RBPJ: variants seen among roughly 807,000 people sequenced by gnomAD.
RBPJ encodes recombining binding protein suppressor of hairless.
Under a neutral mutation model 67.8 loss-of-function variants are expected in RBPJ, and 9 were observed. The observed-to-expected ratio is 0.13, with a 90% CI of 0.08 to 0.23. The LOEUF (loss-of-function observed/expected upper bound fraction) is 0.23, where lower values mean the gene tolerates loss of function less well. Among genes scored for constraint, RBPJ ranks in the 10% least tolerant of loss-of-function variants. The pLI, the probability that RBPJ is intolerant of heterozygous loss-of-function variation, is 1.00. For missense variants in RBPJ, 305 were observed against 595.6 expected (o/e 0.51, Z 5.08); for synonymous variants, 198 against 203.3 (o/e 0.97, Z 0.22).
intron 1 of RBPJ, among the ~76,000 whole-genome samples, chr4:26,353,930 T>C (rs1282325153): frequency 6.7e-6 from 1 of 150,022 alleles, no homozygotes; most frequent in Admixed American, 6.6e-5. Flanking sequence ...CTTTTGTTTT[T>C]TTGTTTGTTT....
At chr4:26,351,372 AG>A (rs1726783808) in intron 1 of RBPJ, among the ~76,000 whole-genome samples, 1 of 151,694 alleles carries the variant, frequency 6.6e-6, no homozygotes, top group Non-Finnish European at 1.5e-5. Context: ...GCATCACTTG[AG>A]AGAATTTTTC....
At chr4:26,137,325 A>G in the RBPJ span, among the ~76,000 whole-genome samples, 2 of 151,994 alleles carry the variant, frequency 1.3e-5, no homozygotes, top group African/African-American at 4.8e-5. Context: ...CCACCCTCTC[A>G]TTGTAGAGTC....
At chr4:26,319,938 C>T (rs375886888), upstream of RBPJ, 2 of 1,532,456 alleles carry the variant, frequency 1.3e-6, no homozygotes, top group Non-Finnish European at 8.9e-7. Flanking sequence ...GTTCCATGCC[C>T]GGTGGGGCCA....
At chr4:26,147,549 G>A in the RBPJ span, among the ~76,000 whole-genome samples, 4 of 152,204 alleles carry the variant, frequency 2.6e-5, no homozygotes, top group Non-Finnish European at 5.9e-5. Context: ...CTGGGAATTT[G>A]AGTTTTCTAG....
At chr4:26,373,556 T>C (rs984601186) in intron 1 of RBPJ, among the ~76,000 whole-genome samples, 6 of 152,256 alleles carry the variant, frequency 3.9e-5, no homozygotes, top group Non-Finnish European at 7.3e-5. Flanking sequence ...GAGGCTGGAC[T>C]GGTACTGTGT....
upstream of RBPJ, among the ~76,000 whole-genome samples, chr4:26,320,281 A>C (rs1386177286): frequency 6.6e-6 from 1 of 152,176 alleles, no homozygotes; most frequent in African/African-American, 2.4e-5. Flanking sequence ...TCTTTGCTAG[A>C]GGCCTTGGCT....
At chr4:26,281,985 T>A (rs1457604389) in intron 1 of RBPJ, among the ~76,000 whole-genome samples, 2 of 152,238 alleles carry the variant, frequency 1.3e-5, no homozygotes, top group Non-Finnish European at 2.9e-5. Context: ...TTCCAAATTA[T>A]CTAGACCAGG....
chr4:26,162,874 G>A (rs543714262), upstream of RBPJ, among the ~76,000 whole-genome samples: 200 of 152,266 alleles, frequency 1.3e-3, no homozygotes, highest in Middle Eastern at 6.8e-3. Context: ...GAGGAAGAGC[G>A]GCAGGGAGAC....
intron 1 of RBPJ, among the ~76,000 whole-genome samples, chr4:26,289,384 C>CAAAAAAAAAAAAAAAAAAAA (rs60159669): frequency 2.2e-4 from 17 of 78,310 alleles, no homozygotes; most frequent in African/African-American, 6.3e-4. Flanking sequence ...GACTTGGTCT[C>CAAAAAAAAAAAAAAAAAAAA]AAAAAAAAAA....
chr4:26,284,674 G>A (rs961118751), intron 1 of RBPJ, among the ~76,000 whole-genome samples: 1 of 151,858 alleles, frequency 6.6e-6, no homozygotes. Context: ...TCGCCATGTC[G>A]GCCAGGCTGG....
the RBPJ span, among the ~76,000 whole-genome samples, chr4:26,119,105 T>TA: frequency 6.6e-6 from 1 of 152,194 alleles, no homozygotes; most frequent in Non-Finnish European, 1.5e-5. Flanking sequence ...CTTACCTACC[T>TA]TATAATATCA....
At chr4:26,114,412 G>A in the RBPJ span, among the ~76,000 whole-genome samples, 5 of 147,814 alleles carry the variant, frequency 3.4e-5, no homozygotes, top group South Asian at 2.1e-4. Context: ...AGCCAAGATC[G>A]CACCACTGTA....
At position 26,410,043 on chromosome 4, in the gene RBPJ, T is replaced by G. The variant is rs374302468; in HGVS notation, c.155+3773T>G. On this transcript the variant is annotated intron_variant, in intron 3 of 10. Coordinates refer to ENST00000355476, the MANE Select transcript of RBPJ (RefSeq NM_015874.6). ...TTACTTGATTTTTTTAAAAAACAGG[T>G]GTTAGTAGTAAAGGACTGCTAATGC... 1.1e-5 allele frequency: 5 copies of G among 455,054 alleles called. 1 individual carries two copies. Among genetic ancestry groups the G allele is most frequent in the East Asian group, 1.4e-4 (2 of 14,344 alleles). 28.2% of individuals were successfully genotyped at this position (455,054 alleles called of 1,614,324 possible).
intron 1 of RBPJ, among the ~76,000 whole-genome samples, chr4:26,255,835 A>T (rs922090183): frequency 6.6e-6 from 1 of 151,918 alleles, no homozygotes; most frequent in African/African-American, 2.4e-5. Flanking sequence ...AAAAAAGAAA[A>T]TCACCTAAGT....
At chr4:26,369,355 G>A (rs975170579) in intron 1 of RBPJ, among the ~76,000 whole-genome samples, 2 of 152,148 alleles carry the variant, frequency 1.3e-5, no homozygotes, top group Non-Finnish European at 2.9e-5. Context: ...TCAATATTGC[G>A]CTTACAAGAT....
chr4:26,194,604 T>G (rs868442511), intron 1 of RBPJ, among the ~76,000 whole-genome samples: 1 of 152,186 alleles, frequency 6.6e-6, no homozygotes, highest in African/African-American at 2.4e-5. Context: ...CAGAACAGAT[T>G]TCTGGGCCTG....
chr4:26,113,323 C>T, the RBPJ span: 15 of 505,532 alleles, frequency 3.0e-5, no homozygotes, highest in Admixed American at 1.1e-4. Flanking sequence ...AATAAACCTA[C>T]GAATGTGGTG....
In RBPJ at chr4:26,387,489, A is replaced by G. The variant is rs1367489457; in HGVS notation, c.59+1098A>G. 2.6e-5 allele frequency among the ~76,000 whole-genome samples: 4 copies of G among 152,322 alleles called. No homozygotes were observed. The South Asian group carries it at 8.3e-4, about 32-fold the overall frequency. ...CTTACAGATGCATGTCGCCTAATAA[A>G]TGTAGAAGGACAAAAACCTGGACAA... On this transcript the variant is annotated intron_variant, in intron 2 of 10. Coordinates refer to ENST00000355476, the MANE Select transcript of RBPJ (RefSeq NM_015874.6).
intron 2 of RBPJ, among the ~76,000 whole-genome samples, chr4:26,395,569 G>A (rs1732037256): frequency 6.6e-6 from 1 of 152,074 alleles, no homozygotes; most frequent in Non-Finnish European, 1.5e-5. Context: ...ATTTAAGGTG[G>A]GGTCTAATGG....
Sources: gnomAD v4.1 joint callset for allele counts (sites outside exome capture counted in the v4.1 genomes callset) on GRCh38, gnomAD v4.1.1 for gene constraint, MANE v1.5 for transcripts, NCBI Gene and HGNC (gene_info 2026-07-23, HGNC 2026-07-21) for gene names.